Variants in SLC35A3 observed in about 807,000 individuals in gnomAD.
The protein encoded by SLC35A3 is UDP-N-acetylglucosamine transporter.
In SLC35A3, 26 loss-of-function variants were observed where a neutral mutation model predicts 39.0. The observed-to-expected ratio is 0.67, with a 90% CI of 0.49 to 0.92. SLC35A3 has a LOEUF of 0.92. SLC35A3 is among the 40% of genes least tolerant of loss of function. SLC35A3 has a pLI of 0.00. For synonymous variants in SLC35A3, 135 were observed against 133.1 expected (o/e 1.01, Z -0.10); for missense variants, 299 against 371.6 (o/e 0.80, Z 1.61).
chr1:99,998,321 G>A (rs1658543849), intron 2 of SLC35A3, among the ~76,000 whole-genome samples: 1 of 151,842 alleles, frequency 6.6e-6, no homozygotes, highest in South Asian at 2.1e-4. Context: ...CACCCAGCTA[G>A]TTAAAAAAAA....
rs1660952892 is a variant in SLC35A3, at chr1:100,027,141, G to A, written c.*4665G>A. ...ATGTGATCTTTCTTCCTTTTCTCTA[G>A]CCCATATTCTAGCATGAAATACTGG... On this transcript the variant is annotated 3_prime_UTR_variant, in exon 8 of 8. Coordinates refer to ENST00000533028, the MANE Select transcript of SLC35A3 (RefSeq NM_012243.3). The A allele has an allele frequency of 2.5e-6, 1 of 398,374 alleles. No individual in the cohort carries two copies. The allele number at this position is 398,374 out of a possible 1,614,324, so 24.7% of individuals were successfully genotyped here. A position where few individuals can be genotyped will look rare whatever the true frequency, so the allele number is the denominator to read the frequency against.
chr1:100,010,280 G>A (rs923566841), intron 4 of SLC35A3, among the ~76,000 whole-genome samples: 4 of 152,208 alleles, frequency 2.6e-5, no homozygotes, highest in South Asian at 4.1e-4. Context: ...TTAATTCTCT[G>A]GTGAAAGCAA....
At chr1:100,021,927 G>A (rs191882017) in intron 7 of SLC35A3, among the ~76,000 whole-genome samples, 4 of 152,102 alleles carry the variant, frequency 2.6e-5, no homozygotes, top group African/African-American at 7.2e-5. Context: ...TATTCCTTTC[G>A]TATGTTCAAC....
intron 1 of SLC35A3, among the ~76,000 whole-genome samples, chr1:99,991,247 C>G (rs2101116923): frequency 6.6e-6 from 1 of 152,252 alleles, no homozygotes; most frequent in South Asian, 2.1e-4. Flanking sequence ...TGGGTTCAAT[C>G]AATTCTCCTG....
At chr1:99,974,902 C>T (rs1475929215) in intron 1 of SLC35A3, 1 of 151,934 alleles carries the variant, frequency 6.6e-6, no homozygotes, top group Non-Finnish European at 1.5e-5. Flanking sequence ...ACAGTTATTA[C>T]AGTTATTAGA....
intron 3 of SLC35A3, among the ~76,000 whole-genome samples, chr1:99,999,849 A>G (rs12144561): frequency 0.044 from 6,700 of 150,948 alleles, 173 homozygotes; most frequent in African/African-American, 0.06. Flanking sequence ...TGAAAATACG[A>G]TATTTGTCTT....
intron 1 of SLC35A3, 125 bp from the exon 2 acceptor site, chr1:99,993,412 C>G: frequency 6.6e-6 from 4 of 606,602 alleles, no homozygotes; most frequent in East Asian, 3.1e-5. Context: ...TTTCTTTTTT[C>G]TTTTTGGTGG....
rs1162410754 is a variant in SLC35A3, at chr1:100,022,471, G to A, written c.973G>A (p.Ala325Thr). ...CAAACCTGCAGGAAATCCCACTAAAGCATAGTTGTATACTATCTTTAACTG... is the reference window on the plus strand; with the variant it reads ...CAAACCTGCAGGAAATCCCACTAAAACATAGTTGTATACTATCTTTAACTG... ...DPKPAGNPTK[A>T] Residue 325 changes from alanine (A) to threonine (T), a missense_variant, in exon 8 of 8, where the codon GCA becomes ACA. Coordinates refer to ENST00000533028, the MANE Select transcript of SLC35A3 (RefSeq NM_012243.3). The A allele has an allele frequency of 1.3e-6, 2 of 1,567,870 alleles. No homozygotes were observed. The highest frequency in any genetic ancestry group is 2.2e-5 in the South Asian group (2 of 89,218).
chr1:99,988,696 T>A (rs1367276453), intron 1 of SLC35A3, among the ~76,000 whole-genome samples: 1 of 146,154 alleles, frequency 6.8e-6, no homozygotes, highest in Admixed American at 6.8e-5. Flanking sequence ...TTCCCTTTCT[T>A]ACCTGTCTTT....
chr1:100,013,853 A>C (rs1413204147), intron 5 of SLC35A3, among the ~76,000 whole-genome samples: 1 of 152,156 alleles, frequency 6.6e-6, no homozygotes, highest in Non-Finnish European at 1.5e-5. Context: ...CATCCTTTTC[A>C]CTTCCTTTCT....
chr1:99,999,154 T>C, intron 2 of SLC35A3, 107 bp from the exon 3 acceptor site: 3 of 535,294 alleles, frequency 5.6e-6, no homozygotes, highest in Non-Finnish European at 9.5e-6. Context: ...TCTTGACATG[T>C]AGCTCAATTT....
At chr1:99,972,386 GC>G (rs2101008892) in intron 1 of SLC35A3, among the ~76,000 whole-genome samples, 1 of 145,164 alleles carries the variant, frequency 6.9e-6, no homozygotes, top group African/African-American at 2.6e-5. Flanking sequence ...AGGCTGGAGT[GC>G]AGTGGCGTGA....
intron 3 of SLC35A3, among the ~76,000 whole-genome samples, chr1:100,005,258 T>G (rs887021708): frequency 6.6e-6 from 1 of 152,326 alleles, no homozygotes; most frequent in East Asian, 1.9e-4. Flanking sequence ...GTTCTCTCTT[T>G]GACTTTTGAC....
chr1:99,984,847 AT>A (rs1335285756), intron 1 of SLC35A3, among the ~76,000 whole-genome samples: 2 of 152,020 alleles, frequency 1.3e-5, no homozygotes, highest in Non-Finnish European at 2.9e-5. Context: ...GATATTGGGC[AT>A]TTTTTCATAT....
intron 7 of SLC35A3, among the ~76,000 whole-genome samples, chr1:100,019,179 C>A (rs759971150): frequency 6.7e-6 from 1 of 149,486 alleles, no homozygotes; most frequent in Non-Finnish European, 1.5e-5. Flanking sequence ...TTAAATTGAA[C>A]CTTATGTAAG....
intron 4 of SLC35A3, chr1:100,009,421 G>C (rs1288381556): frequency 6.6e-6 from 1 of 152,194 alleles, no homozygotes; most frequent in Non-Finnish European, 1.5e-5. Flanking sequence ...AATTGACAAA[G>C]ATATGGCGAG....
At chr1:99,980,732 G>A (rs1459717337) in intron 1 of SLC35A3, among the ~76,000 whole-genome samples, 2 of 148,722 alleles carry the variant, frequency 1.3e-5, no homozygotes, top group African/African-American at 5.2e-5. Context: ...GAGCCTGTAA[G>A]TTATAGAGTT....
At chr1:99,983,129 G>A (rs900117907) in intron 1 of SLC35A3, among the ~76,000 whole-genome samples, 1 of 152,032 alleles carries the variant, frequency 6.6e-6, no homozygotes, top group Non-Finnish European at 1.5e-5. Context: ...ACAAATTTAT[G>A]TGGAACTTTT....
chr1:100,020,790 A>G (rs569006771), intron 7 of SLC35A3, among the ~76,000 whole-genome samples: 12 of 152,270 alleles, frequency 7.9e-5, no homozygotes, highest in African/African-American at 2.6e-4. Flanking sequence ...ATTATTATGA[A>G]TAAGCATTTT....
Sources: gnomAD v4.1 joint callset for allele counts (sites outside exome capture counted in the v4.1 genomes callset) on GRCh38, gnomAD v4.1.1 for gene constraint, MANE v1.5 for transcripts, NCBI Gene and HGNC (gene_info 2026-07-23, HGNC 2026-07-21) for gene names.